The following SCN3A variants were observed in gnomAD, a reference collection of about 807,000 sequenced individuals.
The protein encoded by SCN3A is sodium channel protein type 3 subunit alpha.
Under a neutral mutation model 187.6 loss-of-function variants are expected in SCN3A, and 60 were observed. That is an observed-to-expected ratio of 0.32 (90% CI 0.26 to 0.40). SCN3A has a LOEUF of 0.40. Ranked by LOEUF, SCN3A falls within the 10% of genes least tolerant of loss-of-function variation. SCN3A has a pLI of 1.00. For synonymous variants in SCN3A, 788 were observed against 829.2 expected (o/e 0.95, Z 0.85); for missense variants, 1,601 against 2,428.2 (o/e 0.66, Z 7.16).
At position 165,089,526 on chromosome 2, in the gene SCN3A, A is replaced by C. The variant is rs1268389632; in HGVS notation, c.*624T>G. 1 of 152,946 alleles carries C rather than the reference A, an allele frequency of 6.5e-6. No homozygotes were observed. Among genetic ancestry groups the C allele is most frequent in the Non-Finnish European group, 1.5e-5 (1 of 68,306 alleles). 9.5% of individuals were successfully genotyped at this position (152,946 alleles called of 1,614,324 possible). A position where few individuals can be genotyped will look rare whatever the true frequency, so the allele number is the denominator to read the frequency against. On this transcript the variant is annotated 3_prime_UTR_variant, in exon 28 of 28. Coordinates refer to ENST00000283254, the MANE Select transcript of SCN3A (RefSeq NM_006922.4). ...CAGGCACATAACTGTTCAGATAGAA[A>C]CAAACATAACAGACTAAAATACTTT...
intron 3 of SCN3A, 118 bp downstream of exon 3, chr2:165,176,013 A>C: frequency 2.4e-6 from 2 of 830,650 alleles, no homozygotes; most frequent in Non-Finnish European, 3.8e-6. Context: ...GACAGTGAAG[A>C]GTATTATAAA....
chr2:165,147,359 G>A (rs752476558), intron 11 of SCN3A, among the ~76,000 whole-genome samples: 2 of 151,832 alleles, frequency 1.3e-5, no homozygotes, highest in African/African-American at 4.8e-5. Flanking sequence ...TTTCTTCGTG[G>A]TGGTTGCTTA....
chr2:165,097,182 A>G, intron 23 of SCN3A, 70 bp downstream of exon 23: 5 of 1,573,756 alleles, frequency 3.2e-6, no homozygotes, highest in Non-Finnish European at 4.4e-6. Context: ...TCAAACGAAG[A>G]ACATCAGGGA....
At chr2:165,138,919 GTTGC>G (rs1687826812) in intron 14 of SCN3A, among the ~76,000 whole-genome samples, 1 of 152,160 alleles carries the variant, frequency 6.6e-6, no homozygotes, top group Non-Finnish European at 1.5e-5. Context: ...TGTATAAATA[GTTGC>G]TGCCTATTCC....
chr2:165,187,444 A>G (rs1427948996), intron 1 of SCN3A, among the ~76,000 whole-genome samples: 1 of 152,250 alleles, frequency 6.6e-6, no homozygotes, highest in Non-Finnish European at 1.5e-5. Flanking sequence ...AGTAACTGAC[A>G]TTTAAAACAA....
At chr2:165,159,667 C>CTT (rs777974249) in intron 9 of SCN3A, among the ~76,000 whole-genome samples, 3 of 115,280 alleles carry the variant, frequency 2.6e-5, no homozygotes, top group Admixed American at 9.4e-5. Flanking sequence ...TAGCCCCAGT[C>CTT]TTTTTTTTTT....
intron 27 of SCN3A, 70 bp from the exon 28 acceptor site, chr2:165,091,415 A>T: frequency 6.3e-7 from 1 of 1,582,466 alleles, no homozygotes; most frequent in Non-Finnish European, 8.7e-7. Context: ...ATCTTTTTTA[A>T]GGTCTATGAA....
chr2:165,186,187 G>A (rs1025704208), intron 2 of SCN3A, among the ~76,000 whole-genome samples: 9 of 151,914 alleles, frequency 5.9e-5, no homozygotes, highest in Non-Finnish European at 8.8e-5. Context: ...GGAGAATGGC[G>A]TGAACCCGGG....
chr2:165,096,022 A>G (rs1367190611), intron 24 of SCN3A, among the ~76,000 whole-genome samples: 1 of 152,168 alleles, frequency 6.6e-6, no homozygotes, highest in Non-Finnish European at 1.5e-5. Context: ...TCAACTTCTA[A>G]GAGGAAAATT....
At chr2:165,182,909 C>A (rs1206150323) in intron 2 of SCN3A, among the ~76,000 whole-genome samples, 3 of 145,380 alleles carry the variant, frequency 2.1e-5, no homozygotes, top group Non-Finnish European at 4.4e-5. Context: ...CCCAGGAATT[C>A]AAGGCTGCAG....
chr2:165,136,888 A>G (rs1687702596), intron 15 of SCN3A, among the ~76,000 whole-genome samples: 1 of 152,170 alleles, frequency 6.6e-6, no homozygotes, highest in Admixed American at 6.5e-5. Flanking sequence ...TCTGTTGGCA[A>G]TTGCTCCTTC....
At chr2:165,126,404 T>TTTCTTCTTTCTATCTTC (rs1686988549) in intron 18 of SCN3A, among the ~76,000 whole-genome samples, 1 of 151,372 alleles carries the variant, frequency 6.6e-6, no homozygotes, top group African/African-American at 2.4e-5. Flanking sequence ...TTTCCTTCCC[T>TTTCTTCTTTCTATCTTC]CCTTCCCTTT....
intron 11 of SCN3A, among the ~76,000 whole-genome samples, chr2:165,153,584 A>G (rs1688828116): frequency 1.3e-5 from 2 of 152,158 alleles, no homozygotes; most frequent in Admixed American, 6.5e-5. Context: ...TTGAACAACC[A>G]CTTCATAAAA....
Position 165,127,789 on chromosome 2 carries a change from T to C in SCN3A, c.3235A>G (p.Ser1079Gly). 1 of 1,614,206 alleles carries C rather than the reference T, an allele frequency of 6.2e-7. No individual in the cohort carries two copies. The highest frequency in any genetic ancestry group is 8.5e-7 in the Non-Finnish European group (1 of 1,180,038). Reference protein sequence around the residue: ...GTTSGVGTGSSVEKYVIDEND... With the variant: ...GTTSGVGTGSGVEKYVIDEND... ...TCATCGATTACGTATTTTTCAACAC[T>C]GCTTCCAGTACCTACACCACTGGTG... Residue 1079 changes from serine (S) to glycine (G), a missense_variant, in exon 18 of 28, where the codon AGT (serine) becomes GGT (glycine). Around this residue, in one of 11 missense-constraint regions of SCN3A, gnomAD observed 267 missense variants for 313.2 expected, o/e 0.85. Transcript: ENST00000283254.
At chr2:165,146,185 A>G (rs1178068034) in intron 12 of SCN3A, among the ~76,000 whole-genome samples, 1 of 152,112 alleles carries the variant, frequency 6.6e-6, no homozygotes, top group Non-Finnish European at 1.5e-5. Context: ...TCTCTTAATC[A>G]AAGGATAAAG....
chr2:165,135,760 A>G (rs1687627681), intron 15 of SCN3A, among the ~76,000 whole-genome samples: 2 of 152,144 alleles, frequency 1.3e-5, no homozygotes, highest in African/African-American at 4.8e-5. Flanking sequence ...TATGTTAATC[A>G]TTATAGTAAG....
At chr2:165,162,913 A>G in intron 7 of SCN3A, 85 bp from the exon 8 acceptor site, 1 of 1,514,466 alleles carries the variant, frequency 6.6e-7, no homozygotes. Flanking sequence ...TCTTTCCCCC[A>G]TAAATGATTG....
intron 15 of SCN3A, among the ~76,000 whole-genome samples, chr2:165,135,210 A>G (rs2105791257): frequency 6.6e-6 from 1 of 152,208 alleles, no homozygotes; most frequent in South Asian, 2.1e-4. Flanking sequence ...CAAGCATTTT[A>G]TAATGATTAA....
intron 1 of SCN3A, among the ~76,000 whole-genome samples, chr2:165,203,141 TATA>T (rs1692425174): frequency 6.6e-6 from 1 of 151,948 alleles, no homozygotes; most frequent in East Asian, 1.9e-4. Flanking sequence ...ATTAAGAATA[TATA>T]ATAATCTTTA....
Sources: allele counts gnomAD v4.1 joint callset (sites outside exome capture counted in the v4.1 genomes callset), GRCh38; gene constraint gnomAD v4.1.1; regional missense constraint gnomAD v4.1.1; transcripts MANE v1.5; gene names NCBI Gene and HGNC (gene_info 2026-07-23, HGNC 2026-07-21).